ARHGAP39: variants seen among roughly 807,000 people sequenced by gnomAD.
ARHGAP39 encodes rho GTPase-activating protein 39.
Under a neutral mutation model 106.9 loss-of-function variants are expected in ARHGAP39, and 44 were observed. The observed-to-expected ratio is 0.41, with a 90% CI of 0.32 to 0.53. The LOEUF is 0.53. Ranked by LOEUF, ARHGAP39 falls within the 20% of genes least tolerant of loss-of-function variation. The probability of loss-of-function intolerance (pLI) is 0.21; values close to 1 mark genes in which losing one functional copy is unlikely to be tolerated. For missense variants in ARHGAP39, 1,496 were observed against 1,577.3 expected (o/e 0.95, Z 0.87); for synonymous variants, 768 against 693.2 (o/e 1.11, Z -1.69).
At chr8:144,603,056 C>T (rs1586604896) in intron 2 of ARHGAP39, among the ~76,000 whole-genome samples, 1 of 133,116 alleles carries the variant, frequency 7.5e-6, no homozygotes, top group African/African-American at 3.0e-5. Context: ...TGTGTGTGAG[C>T]TCGTGTACCT....
Position 144,644,178 on chromosome 8 carries a change from C to T in ARHGAP39, c.-81-38483G>A, listed in dbSNP as rs539823599. Among the ~76,000 whole-genome samples, 4 of 152,196 alleles carry T rather than the reference C, an allele frequency of 2.6e-5. No individual in the cohort carries two copies. Among genetic ancestry groups the T allele is most frequent in the South Asian group, 4.1e-4 (2 of 4,822 alleles). ...GCACAGCCCCACGTTCACCACCAGA[C>T]GATGGGGGAGAAAAGACGGTGGACC... On this transcript the variant is annotated intron_variant, in intron 1 of 11. Transcript: ENST00000377307. The surrounding 1 kb of genome is among the most constrained non-coding windows in gnomAD (Gnocchi z 4.8).
chr8:144,678,428 G>C (rs1822301182), intron 1 of ARHGAP39, among the ~76,000 whole-genome samples: 1 of 152,174 alleles, frequency 6.6e-6, no homozygotes, highest in African/African-American at 2.4e-5. Context: ...CGATCCAGGA[G>C]GCGCTCCCAC....
chr8:144,607,290 T>C (rs1303417563), intron 1 of ARHGAP39, among the ~76,000 whole-genome samples: 3 of 148,618 alleles, frequency 2.0e-5, no homozygotes, highest in African/African-American at 5.0e-5. Context: ...CAGAGTACAG[T>C]TGCCTTTCCT....
rs1280229447 is a variant in ARHGAP39 at position 144,647,485 on chromosome 8, G to A, written c.-82+38201C>T. On this transcript the variant is annotated intron_variant, in intron 1 of 11. Coordinates refer to ENST00000377307, the MANE Select transcript of ARHGAP39 (RefSeq NM_025251.3). The surrounding 1 kb of genome is among the most constrained non-coding windows in gnomAD (Gnocchi z 4.8). Reference sequence around the variant, plus strand: ...GCCCCAGAACATTCCCACAAGGAAAGGCTATCGGCAGCCTGCAGCCGCCCA... The same window carrying A: ...GCCCCAGAACATTCCCACAAGGAAAAGCTATCGGCAGCCTGCAGCCGCCCA... Among the ~76,000 whole-genome samples the A allele has an allele frequency of 6.6e-6, 1 of 152,214 alleles. No homozygotes were observed. The highest frequency in any genetic ancestry group is 2.4e-5 in the African/African-American group (1 of 41,454).
intron 3 of ARHGAP39, among the ~76,000 whole-genome samples, chr8:144,573,991 G>T (rs1439679910): frequency 6.6e-6 from 1 of 151,844 alleles, no homozygotes; most frequent in Non-Finnish European, 1.5e-5. Flanking sequence ...TGGCCAACAT[G>T]GCAAAACCTC....
At chr8:144,636,377 GGTTA>G (rs913134488) in intron 1 of ARHGAP39, among the ~76,000 whole-genome samples, 2 of 152,160 alleles carry the variant, frequency 1.3e-5, no homozygotes, top group African/African-American at 4.8e-5. Flanking sequence ...GAACTGCCTG[GGTTA>G]GTTTGTTTTG....
chr8:144,546,749 C>T (rs886470302), intron 5 of ARHGAP39, among the ~76,000 whole-genome samples: 1 of 152,168 alleles, frequency 6.6e-6, no homozygotes, highest in Non-Finnish European at 1.5e-5. Flanking sequence ...CCAGGGAACC[C>T]CCGACACCTT....
chr8:144,630,731 C>T (rs1362505291), intron 1 of ARHGAP39, among the ~76,000 whole-genome samples: 1 of 152,258 alleles, frequency 6.6e-6, no homozygotes, highest in East Asian at 1.9e-4. Flanking sequence ...CTGGCCTTTC[C>T]CTCTCTTTCG....
chr8:144,662,146 C>G (rs1401051699), intron 1 of ARHGAP39, among the ~76,000 whole-genome samples: 1 of 151,350 alleles, frequency 6.6e-6, no homozygotes, highest in Non-Finnish European at 1.5e-5. Flanking sequence ...CCATTTTCCA[C>G]CCTGGGTCAC....
chr8:144,647,289 C>T lies in ARHGAP39; in HGVS notation c.-82+38397G>A, dbSNP rs1042402598. 8.5e-5 allele frequency among the ~76,000 whole-genome samples: 13 copies of T among 152,094 alleles called. No individual in the cohort carries two copies. Among genetic ancestry groups the T allele is most frequent in the Admixed American group, 2.0e-4 (3 of 15,260 alleles). On this transcript the variant is annotated intron_variant, in intron 1 of 11. Transcript: ENST00000377307. This position sits in a 1 kb window ranked among gnomAD's most constrained non-coding sequence, Gnocchi z 4.8. ...GCCTGCTCTGACCCTTCTTAAAGCT[C>T]GAGCATGTGGCCCCAGTAAGAGCAG...
At chr8:144,681,118 G>C (rs1419331885) in intron 1 of ARHGAP39, among the ~76,000 whole-genome samples, 1 of 152,080 alleles carries the variant, frequency 6.6e-6, no homozygotes, top group Non-Finnish European at 1.5e-5. Context: ...GGGTATGGAA[G>C]TCAGGGTCAG....
Position 144,601,506 on chromosome 8 carries a change from A to C in ARHGAP39, c.80+4029T>G, listed in dbSNP as rs1483964984. Among the ~76,000 whole-genome samples the C allele has an allele frequency of 3.3e-5, 2 of 60,232 alleles. 1 individual carries two copies. 39.5% of individuals were successfully genotyped at this position (60,232 alleles called of 152,430 possible). A position where few individuals can be genotyped will look rare whatever the true frequency, so the allele number is the denominator to read the frequency against. On this transcript the variant is annotated intron_variant, in intron 2 of 11. Transcript: ENST00000377307. ...CATGTACCTGTGTGTGTGTGCGTGG[A>C]GGCATGTGTGTGCTCATGTACCTGT...
intron 1 of ARHGAP39, among the ~76,000 whole-genome samples, chr8:144,680,583 C>G (rs538952189): frequency 6.6e-6 from 1 of 151,904 alleles, no homozygotes; most frequent in African/African-American, 2.4e-5. Flanking sequence ...CTACAATGTA[C>G]GTACAACTGA....
chr8:144,595,539 T>G (rs1451482781), intron 2 of ARHGAP39, among the ~76,000 whole-genome samples: 10 of 152,046 alleles, frequency 6.6e-5, no homozygotes, highest in Non-Finnish European at 7.4e-5. Context: ...CTTTGTGGCA[T>G]GTGAATTATA....
intron 3 of ARHGAP39, among the ~76,000 whole-genome samples, chr8:144,571,670 T>C (rs1048357044): frequency 6.6e-6 from 1 of 152,094 alleles, no homozygotes; most frequent in African/African-American, 2.4e-5. Context: ...AAATAAAGGG[T>C]ATTCAATTAG....
At chr8:144,564,992 C>T (rs527363073) in intron 3 of ARHGAP39, among the ~76,000 whole-genome samples, 1 of 152,150 alleles carries the variant, frequency 6.6e-6, no homozygotes, top group South Asian at 2.1e-4. Context: ...TGCATGTAAT[C>T]CTAGCTACTC....
chr8:144,582,079 C>T (rs1371268541), intron 2 of ARHGAP39, among the ~76,000 whole-genome samples: 4 of 152,164 alleles, frequency 2.6e-5, no homozygotes, highest in East Asian at 1.9e-4. Flanking sequence ...TCGCCATCAC[C>T]GGGCTGGTGA....
At chr8:144,650,545 A>C (rs1321228863) in intron 1 of ARHGAP39, among the ~76,000 whole-genome samples, 5 of 152,140 alleles carry the variant, frequency 3.3e-5, no homozygotes, top group Non-Finnish European at 7.4e-5. Flanking sequence ...CACATCAGAA[A>C]ACTAATCCAC....
chr8:144,637,595 C>A (rs575657113), intron 1 of ARHGAP39, among the ~76,000 whole-genome samples: 1 of 152,138 alleles, frequency 6.6e-6, no homozygotes, highest in Non-Finnish European at 1.5e-5. Flanking sequence ...GGCAACAGAG[C>A]GAGACTCTGT....
Sources: gnomAD v4.1 joint callset for allele counts (sites outside exome capture counted in the v4.1 genomes callset) on GRCh38, gnomAD v4.1.1 for gene constraint, Gnocchi (gnomAD v3.1) non-coding constraint, MANE v1.5 for transcripts, NCBI Gene and HGNC (gene_info 2026-07-23, HGNC 2026-07-21) for gene names.